Variants in SLC71A2 observed in about 807,000 individuals in gnomAD.
SLC71A2 encodes the protein hippocampus abundant transcript-like 1.
chr9:94,451,519 G>A, the SLC71A2 span: 2 of 1,543,320 alleles, frequency 1.3e-6, no homozygotes, highest in South Asian at 1.2e-5. Context: ...TCTGTCTATT[G>A]TGGCTCAGGT....
At chr9:94,454,499 C>T in the SLC71A2 span, among the ~76,000 whole-genome samples, 1 of 149,936 alleles carries the variant, frequency 6.7e-6, no homozygotes, top group African/African-American at 2.5e-5. Flanking sequence ...TCCTGAGTAG[C>T]TAGGATTACA....
the SLC71A2 span, among the ~76,000 whole-genome samples, chr9:94,420,334 T>A: frequency 6.6e-6 from 1 of 152,194 alleles, no homozygotes; most frequent in Non-Finnish European, 1.5e-5. Context: ...CTGCTTAAAC[T>A]GATACCCACA....
At chr9:94,446,712 G>T in the SLC71A2 span, 1 of 514,296 alleles carries the variant, frequency 1.9e-6, no homozygotes, top group Non-Finnish European at 3.5e-6. Flanking sequence ...TTAACCATTT[G>T]ACTTTTGTTA....
chr9:94,459,576 T>A, the SLC71A2 span: 8 of 594,006 alleles, frequency 1.3e-5, no homozygotes, highest in Non-Finnish European at 2.2e-5. Flanking sequence ...CCTCCTGTTT[T>A]TTTTTTTTCT....
chr9:94,447,601 C>G, the SLC71A2 span, among the ~76,000 whole-genome samples: 1 of 151,934 alleles, frequency 6.6e-6, no homozygotes, highest in African/African-American at 2.4e-5. Flanking sequence ...CATGCATAGC[C>G]TCCTCCACTA....
At chr9:94,455,378 AT>A in the SLC71A2 span, among the ~76,000 whole-genome samples, 5,265 of 85,398 alleles carry the variant, frequency 0.062, 213 homozygotes, top group African/African-American at 0.23. Flanking sequence ...TAATATTCTG[AT>A]TTTTTTTTTT....
the SLC71A2 span, among the ~76,000 whole-genome samples, chr9:94,395,194 A>G: frequency 6.6e-6 from 1 of 150,798 alleles, no homozygotes; most frequent in African/African-American, 2.4e-5. Flanking sequence ...GATTACGGGG[A>G]TGAACCACCA....
chr9:94,460,747 GA>G, the SLC71A2 span: 7 of 151,976 alleles, frequency 4.6e-5, no homozygotes, highest in African/African-American at 9.7e-5. Context: ...GGTATTGACA[GA>G]AAAAAATATA....
chr9:94,383,161 C>CTTTTTTTTT, the SLC71A2 span, among the ~76,000 whole-genome samples: 3 of 105,790 alleles, frequency 2.8e-5, no homozygotes, highest in Admixed American at 1.1e-4. Flanking sequence ...GCTTTTACAT[C>CTTTTTTTTT]TTTTTTTTTT....
chr9:94,409,165 G>GTTTTT, the SLC71A2 span, among the ~76,000 whole-genome samples: 4 of 85,920 alleles, frequency 4.7e-5, no homozygotes, highest in African/African-American at 4.9e-5. Context: ...TTAAGGCAAG[G>GTTTTT]TTTCACTCCC....
the SLC71A2 span, chr9:94,438,475 C>T: frequency 6.2e-5 from 100 of 1,613,778 alleles, no homozygotes; most frequent in African/African-American, 1.2e-4. Flanking sequence ...CCTTTCTCCT[C>T]GGCACTGTAT....
At chr9:94,424,226 A>AT in the SLC71A2 span, among the ~76,000 whole-genome samples, 1 of 150,186 alleles carries the variant, frequency 6.7e-6, no homozygotes, top group Non-Finnish European at 1.5e-5. Flanking sequence ...TTCTATAGTA[A>AT]TATGTTTTTT....
chr9:94,451,998 C>G, the SLC71A2 span, among the ~76,000 whole-genome samples: 3 of 152,220 alleles, frequency 2.0e-5, no homozygotes, highest in African/African-American at 7.2e-5. Flanking sequence ...CTTGCACCAG[C>G]ATCATCTGCC....
chr9:94,443,977 G>A, the SLC71A2 span, among the ~76,000 whole-genome samples: 1 of 152,078 alleles, frequency 6.6e-6, no homozygotes, highest in African/African-American at 2.4e-5. Context: ...AAATACTTGA[G>A]TTTTAGCTTT....
the SLC71A2 span, among the ~76,000 whole-genome samples, chr9:94,424,638 C>G: frequency 6.6e-6 from 1 of 150,792 alleles, no homozygotes; most frequent in Non-Finnish European, 1.5e-5. Context: ...ATCAGCTCTT[C>G]AATACCCACA....
the SLC71A2 span, among the ~76,000 whole-genome samples, chr9:94,457,229 T>A: frequency 6.6e-6 from 1 of 152,148 alleles, no homozygotes; most frequent in African/African-American, 2.4e-5. Flanking sequence ...CTCAAAGTGC[T>A]GAGATTACAG....
the SLC71A2 span, among the ~76,000 whole-genome samples, chr9:94,435,009 A>T: frequency 5.9e-5 from 9 of 152,160 alleles, no homozygotes; most frequent in Non-Finnish European, 1.2e-4. Context: ...AGCTCAGTAT[A>T]TCAGCACTGA....
chr9:94,438,353 T>C, the SLC71A2 span: 2 of 1,613,710 alleles, frequency 1.2e-6, no homozygotes, highest in African/African-American at 1.3e-5. Flanking sequence ...TACAGGTAAT[T>C]GAGGGATCAG....
At chr9:94,454,080 A>T in the SLC71A2 span, 2 of 1,588,370 alleles carry the variant, frequency 1.3e-6, no homozygotes, top group Non-Finnish European at 8.6e-7. Context: ...GGTAAGCCTC[A>T]CTCTTAGATT....
Sources: allele counts gnomAD v4.1 joint callset (sites outside exome capture counted in the v4.1 genomes callset), GRCh38; gene constraint gnomAD v4.1.1; transcripts MANE v1.5; gene names NCBI Gene and HGNC (gene_info 2026-07-23, HGNC 2026-07-21).